BNIPL: variants seen among roughly 807,000 people sequenced by gnomAD.
The protein encoded by BNIPL is BCL2 interacting protein like.
In BNIPL, 33 loss-of-function variants were observed where a neutral mutation model predicts 47.0. The ratio of observed to expected loss-of-function variants is 0.70; its 90% confidence interval spans 0.53 to 0.94. The LOEUF is 0.94. Ranked by LOEUF, BNIPL falls within the 40% of genes least tolerant of loss-of-function variation. The pLI, the probability that BNIPL is intolerant of heterozygous loss-of-function variation, is 0.00. For missense variants in BNIPL, 404 were observed against 445.2 expected, an observed-to-expected ratio of 0.91 and a Z score of 0.83; for synonymous variants, 145 against 162.7, an observed-to-expected ratio of 0.89 and a Z score of 0.83.
intron 3 of BNIPL, 41 bp downstream of exon 3, chr1:151,038,609 G>C (rs909809313): frequency 1.9e-6 from 3 of 1,603,586 alleles, no homozygotes; most frequent in Non-Finnish European, 2.6e-6. Context: ...CTTGATTCTA[G>C]TCCAGTAAAG....
intron 1 of BNIPL, chr1:151,037,195 T>C (rs1468153800): frequency 2.7e-5 from 10 of 364,906 alleles, no homozygotes; most frequent in Non-Finnish European, 3.9e-5. Flanking sequence ...CCCAGCTCGG[T>C]GGAGGAAAGG....
intron 2 of BNIPL, 24 bp from the exon 3 acceptor site, chr1:151,038,480 G>T (rs368916210): frequency 1.9e-6 from 3 of 1,585,280 alleles, no homozygotes; most frequent in Non-Finnish European, 2.6e-6. Context: ...TATGTCTGCC[G>T]CCTTTTAATC....
chr1:151,038,628 C>T, intron 3 of BNIPL, 60 bp downstream of exon 3: 1 of 1,594,264 alleles, frequency 6.3e-7, no homozygotes, highest in Non-Finnish European at 8.6e-7. Flanking sequence ...AGGGCTATGC[C>T]ACCTCTATCC....
chr1:151,043,469 G>A (rs781185526), intron 6 of BNIPL, 35 bp downstream of exon 6: 8 of 1,561,054 alleles, frequency 5.1e-6, no homozygotes, highest in Middle Eastern at 1.7e-4. Flanking sequence ...ACAGGGCAGT[G>A]TTAGGGAGGG....
At position 151,038,989 on chromosome 1, in the gene BNIPL, G is replaced by A. The variant is rs768210905; in HGVS notation, c.396G>A (p.Ser132=). 34 of 1,606,264 alleles carry A rather than the reference G, an allele frequency of 2.1e-5. No homozygotes were observed. The Admixed American group carries it at 2.7e-4, about 13-fold the overall frequency. Residue 132 remains serine, a synonymous_variant, in exon 4 of 10, where the codon TCG becomes TCA. Transcript: ENST00000368931. The part of the protein sequence containing the change: ...EIDELETPSD[S]EQLDSGHEFE... ...ACGAATTGGAGACACCTTCAGACTC[G>A]GAGCAGCTGGACAGTGGACATGAAT...
At position 151,043,392 on chromosome 1, in the gene BNIPL, G is replaced by A. The variant is rs12068365; in HGVS notation, c.677G>A (p.Ser226Asn). ...TTTGCTTCCTGTTATCTACCCAGAAGCAGCATCCCCAACTACACCTATGTC... is the reference window on the plus strand; with the variant it reads ...TTTGCTTCCTGTTATCTACCCAGAAACAGCATCCCCAACTACACCTATGTC... ...ILFASCYLPR[S>N]SIPNYTYVME... is the part of the protein sequence containing the mutation. The change falls in exon 6 of 10, where the codon AGC (serine) becomes AAC (asparagine). Residue 226 changes from serine (S) to asparagine (N), a missense_variant. Coordinates refer to ENST00000368931, the MANE Select transcript of BNIPL (RefSeq NM_138278.4). 0.073 allele frequency: 118,328 copies of A among 1,611,242 alleles called. 5,015 individuals carry two copies. Among genetic ancestry groups the A allele is most frequent in the African/African-American group, 0.16 (12,107 of 74,826 alleles).
rs959669285 is a variant in BNIPL at position 151,037,808 on chromosome 1, C to T, written c.137+146C>T. The stretch of plus-strand genomic sequence containing the variant: ...CTGAGGTCAGGAGTTTGAGACCAGC[C>T]TGACCAACACGGTGAAATCCCGTCT... On this transcript the variant is annotated intron_variant, in intron 2 of 9. Coordinates refer to ENST00000368931, the MANE Select transcript of BNIPL (RefSeq NM_138278.4). The T allele has an allele frequency of 2.7e-5, 16 of 588,832 alleles. No homozygotes were observed. In the African/African-American group the frequency reaches 2.9e-4, roughly 10 times the overall value. The allele number at this position is 588,832 out of a possible 1,614,324, so 36.5% of individuals were successfully genotyped here. A position where few individuals can be genotyped will look rare whatever the true frequency, so the allele number is the denominator to read the frequency against.
Position 151,043,381 on chromosome 1 carries a change from T to C in BNIPL, c.666T>C (p.Tyr222=), listed in dbSNP as rs766708500. 1 of 1,612,860 alleles carries C rather than the reference T, an allele frequency of 6.2e-7. No individual in the cohort carries two copies. The highest frequency in any genetic ancestry group is 1.1e-5 in the South Asian group (1 of 91,058). Reference sequence around the variant, plus strand: ...CTGTCATCCTTTTTGCTTCCTGTTATCTACCCAGAAGCAGCATCCCCAACT... The same window carrying C: ...CTGTCATCCTTTTTGCTTCCTGTTACCTACCCAGAAGCAGCATCCCCAACT... ...LNAVILFASC[Y]LPRSSIPNYT... Residue 222 remains tyrosine (Y), a synonymous_variant, in exon 6 of 10, where the codon TAT becomes TAC. Coordinates refer to ENST00000368931, the MANE Select transcript of BNIPL (RefSeq NM_138278.4).
chr1:151,038,493 T>G lies in BNIPL; in HGVS notation c.138-11T>G. 6.2e-7 allele frequency: 1 copy of G among 1,603,720 alleles called. No individual in the cohort carries two copies. The highest frequency in any genetic ancestry group is 8.5e-7 in the Non-Finnish European group (1 of 1,172,302). ...TATATGTCTGCCGCCTTTTAATCTC[T>G]TCCCCTCTAGATTGCTTCCTGAGGA... On this transcript the variant is annotated splice_polypyrimidine_tract_variant and intron_variant, in intron 2 of 9. Coordinates refer to ENST00000368931, the MANE Select transcript of BNIPL (RefSeq NM_138278.4).
Position 151,039,045 on chromosome 1 carries a change from G to A in BNIPL, c.433+19G>A. 6.5e-7 allele frequency: 1 copy of A among 1,547,384 alleles called. No homozygotes were observed. The highest frequency in any genetic ancestry group is 8.7e-7 in the Non-Finnish European group (1 of 1,146,880). On this transcript the variant is annotated intron_variant, in intron 4 of 9. Coordinates refer to ENST00000368931, the MANE Select transcript of BNIPL (RefSeq NM_138278.4). The stretch of plus-strand genomic sequence containing the variant: ...TGGGAAGGTGGGAAACAAACCAGAG[G>A]ACTCAGCTGGTAGAAGTAGAGGCTA...
intron 7 of BNIPL, among the ~76,000 whole-genome samples, chr1:151,045,294 G>A (rs1219339495): frequency 3.6e-5 from 5 of 138,932 alleles, no homozygotes; most frequent in Admixed American, 3.5e-4. Flanking sequence ...AAAAAAATCC[G>A]GGCGCGATGG....
chr1:151,046,010 A>G, intron 8 of BNIPL, 57 bp from the exon 9 acceptor site: 3 of 1,612,544 alleles, frequency 1.9e-6, no homozygotes, highest in Non-Finnish European at 2.5e-6. Flanking sequence ...CTTTGCAAGG[A>G]TTTTTGGGAA....
chr1:151,042,684 C>T (rs1175989395), intron 4 of BNIPL, among the ~76,000 whole-genome samples: 1 of 151,914 alleles, frequency 6.6e-6, no homozygotes, highest in Admixed American at 6.6e-5. Context: ...CATGGTGGTG[C>T]ATGCCTGTAG....
intron 9 of BNIPL, 41 bp from the exon 10 acceptor site, chr1:151,046,610 C>T (rs746247644): frequency 3.9e-6 from 6 of 1,546,288 alleles, no homozygotes; most frequent in South Asian, 2.3e-5. Flanking sequence ...CCAAGTCCTA[C>T]CCCCTGAACC....
At chr1:151,046,375 A>AC (rs201670466) in intron 9 of BNIPL, among the ~76,000 whole-genome samples, 2,338 of 151,126 alleles carry the variant, frequency 0.015, 32 homozygotes, top group Middle Eastern at 0.031. Context: ...AAAAAAAAAA[A>AC]CCTATACATA....
intron 4 of BNIPL, among the ~76,000 whole-genome samples, chr1:151,042,676 T>C (rs1172336547): frequency 2.0e-5 from 3 of 151,886 alleles, no homozygotes; most frequent in Non-Finnish European, 2.9e-5. Context: ...TAGCTGGGCA[T>C]GGTGGTGCAT....
chr1:151,045,999 T>C, intron 8 of BNIPL, 68 bp from the exon 9 acceptor site: 4 of 1,612,432 alleles, frequency 2.5e-6, no homozygotes, highest in Non-Finnish European at 3.4e-6. Context: ...TCTACATTTT[T>C]CTTTGCAAGG....
chr1:151,037,217 A>C, intron 1 of BNIPL: 6 of 517,444 alleles, frequency 1.2e-5, no homozygotes, highest in Non-Finnish European at 1.6e-5. Flanking sequence ...AGGCCTAACT[A>C]GGTACCGTCT....
At chr1:151,038,427 A>G in intron 2 of BNIPL, 77 bp from the exon 3 acceptor site, 2 of 1,046,392 alleles carry the variant, frequency 1.9e-6, no homozygotes, top group Non-Finnish European at 1.5e-6. Flanking sequence ...TGGTGGGGAG[A>G]GAGAACCTAT....
Sources: gnomAD v4.1 joint callset for allele counts (sites outside exome capture counted in the v4.1 genomes callset) on GRCh38, gnomAD v4.1.1 for gene constraint, MANE v1.5 for transcripts, NCBI Gene and HGNC (gene_info 2026-07-23, HGNC 2026-07-21) for gene names.